Variants in PRDM6 observed in about 807,000 individuals in gnomAD.
The protein encoded by PRDM6 is putative histone-lysine N-methyltransferase PRDM6.
In PRDM6, 25 loss-of-function variants were observed where a neutral mutation model predicts 60.8. That is an observed-to-expected ratio of 0.41 (90% CI 0.30 to 0.57). The LOEUF (loss-of-function observed/expected upper bound fraction) is 0.57. Among genes scored for constraint, PRDM6 ranks in the 20% least tolerant of loss-of-function variants. The probability of loss-of-function intolerance (pLI) is 0.27; values close to 1 mark genes in which losing one functional copy is unlikely to be tolerated. For synonymous variants in PRDM6, 407 were observed against 357.4 expected (o/e 1.14, Z -1.57); for missense variants, 839 against 821.3 (o/e 1.02, Z -0.26).
chr5:123,153,217 A>G (rs1379786602), intron 3 of PRDM6, among the ~76,000 whole-genome samples: 6 of 144,254 alleles, frequency 4.2e-5, no homozygotes, highest in East Asian at 2.0e-4. Context: ...AAAAAAAAAA[A>G]GGGCTAGGTT....
intron 6 of PRDM6, among the ~76,000 whole-genome samples, chr5:123,179,129 C>T (rs1042260858): frequency 2.6e-5 from 4 of 152,192 alleles, no homozygotes; most frequent in African/African-American, 9.7e-5. Flanking sequence ...CCAGATTCTG[C>T]TTAAGTAAGC....
intron 5 of PRDM6, among the ~76,000 whole-genome samples, chr5:123,161,800 T>C (rs1399654345): frequency 6.6e-6 from 1 of 152,196 alleles, no homozygotes; most frequent in East Asian, 1.9e-4. Context: ...GGAGCTGTTG[T>C]AGGGTTTTGA....
At chr5:123,174,991 C>T (rs1213637310) in intron 6 of PRDM6, among the ~76,000 whole-genome samples, 1 of 152,180 alleles carries the variant, frequency 6.6e-6, no homozygotes, top group African/African-American at 2.4e-5. Context: ...AATCAACCAA[C>T]ATTTTGTTCA....
At chr5:123,113,361 T>G (rs980617460) in intron 3 of PRDM6, among the ~76,000 whole-genome samples, 5 of 152,236 alleles carry the variant, frequency 3.3e-5, no homozygotes, top group African/African-American at 1.2e-4. Context: ...TTTATCTGAT[T>G]GCAATAACGA....
chr5:123,160,341 T>C (rs1357043008), intron 5 of PRDM6, among the ~76,000 whole-genome samples: 1 of 152,240 alleles, frequency 6.6e-6, no homozygotes, highest in African/African-American at 2.4e-5. Flanking sequence ...ATTTGAAAAG[T>C]ATTTTAAAGT....
intron 7 of PRDM6, among the ~76,000 whole-genome samples, chr5:123,183,729 TGCAG>T (rs952706943): frequency 6.6e-6 from 1 of 152,206 alleles, no homozygotes; most frequent in African/African-American, 2.4e-5. Context: ...AGCATTTTAT[TGCAG>T]GCAGGCAGGA....
chr5:123,090,032 C>A lies in PRDM6; in HGVS notation c.18C>A (p.Asp6Glu), dbSNP rs1446211077. 9.0e-6 allele frequency: 14 copies of A among 1,547,852 alleles called. No homozygotes were observed. The Admixed American group carries it at 2.6e-4, about 28-fold the overall frequency. MLKPG[D>E]PGGSAFLKVD... ...CGCCGGACATGCTGAAGCCCGGAGA[C>A]CCCGGCGGTTCGGCCTTCCTCAAAG... The change falls in exon 2 of 8, where the codon GAC (aspartate) becomes GAA (glutamate). Residue 6 changes from aspartate to glutamate, a missense_variant. Coordinates refer to ENST00000407847, the MANE Select transcript of PRDM6 (RefSeq NM_001136239.4).
intron 3 of PRDM6, among the ~76,000 whole-genome samples, chr5:123,151,346 C>T (rs1350864033): frequency 1.3e-5 from 2 of 152,090 alleles, no homozygotes; most frequent in Non-Finnish European, 2.9e-5. Flanking sequence ...TCCAGGGAAC[C>T]CGTTCGGGGA....
chr5:123,136,792 C>T (rs761199361), intron 3 of PRDM6, among the ~76,000 whole-genome samples: 1 of 152,088 alleles, frequency 6.6e-6, no homozygotes, highest in Non-Finnish European at 1.5e-5. Context: ...CTTTACTTTC[C>T]ATATTACTTT....
In PRDM6 at chr5:123,194,240, T is replaced by G. The variant is rs981392519; in HGVS notation, c.*7039T>G. 6.6e-6 allele frequency: 1 copy of G among 152,098 alleles called. No individual in the cohort carries two copies. The highest frequency in any genetic ancestry group is 1.5e-5 in the Non-Finnish European group (1 of 68,006). 9.4% of individuals were successfully genotyped at this position (152,098 alleles called of 1,614,324 possible). A position where few individuals can be genotyped will look rare whatever the true frequency, so the allele number is the denominator to read the frequency against. ...ACCAAGAAATGTAAATATATTTGAT[T>G]AATAAAACGTTTTTATGATGACTCG... On this transcript the variant is annotated 3_prime_UTR_variant, in exon 8 of 8. Coordinates refer to ENST00000407847, the MANE Select transcript of PRDM6 (RefSeq NM_001136239.4).
At chr5:123,117,455 ACT>A (rs1478671985) in intron 3 of PRDM6, among the ~76,000 whole-genome samples, 3 of 151,290 alleles carry the variant, frequency 2.0e-5, no homozygotes, top group African/African-American at 4.9e-5. Flanking sequence ...ACTTCCGAAA[ACT>A]CTGTTTAGTG....
chr5:123,128,497 ATT>A (rs1205395992), intron 3 of PRDM6, among the ~76,000 whole-genome samples: 1 of 152,102 alleles, frequency 6.6e-6, no homozygotes, highest in Non-Finnish European at 1.5e-5. Flanking sequence ...TATGGTTTTG[ATT>A]TGCATTTCTC....
Position 123,090,287 on chromosome 5 carries a change from C to CTCCGCCTCT in PRDM6, c.281_282insTTCCGCCTC (p.Ala93_Ser95dup), listed in dbSNP as rs763677155. On this transcript the variant is annotated inframe_insertion, in exon 2 of 8. Coordinates refer to ENST00000407847, the MANE Select transcript of PRDM6 (RefSeq NM_001136239.4). ...CGGCTTCCTCTTCCACCTCCGCCTC[C>CTCCGCCTCT]TCCGCCTCCTCCTGCGCTGCTGCGG... 1.1e-4 allele frequency: 168 copies of CTCCGCCTCT among 1,490,888 alleles called. No individual in the cohort carries two copies. Among genetic ancestry groups the CTCCGCCTCT allele is most frequent in the Non-Finnish European group, 1.3e-4 (149 of 1,121,878 alleles). The allele number at this position is 1,490,888 out of a possible 1,614,324, so 92.4% of individuals were successfully genotyped here. A position where few individuals can be genotyped will look rare whatever the true frequency, so the allele number is the denominator to read the frequency against.
At chr5:123,118,091 A>G (rs984877093) in intron 3 of PRDM6, among the ~76,000 whole-genome samples, 14 of 152,246 alleles carry the variant, frequency 9.2e-5, no homozygotes, top group African/African-American at 2.9e-4. Flanking sequence ...TTGAAAATCC[A>G]GAGGGATAAC....
At chr5:123,116,484 G>T (rs1480018307) in intron 3 of PRDM6, among the ~76,000 whole-genome samples, 1 of 152,126 alleles carries the variant, frequency 6.6e-6, no homozygotes, top group African/African-American at 2.4e-5. Context: ...TAAGAAAGTG[G>T]TTTCCTGTCA....
At chr5:123,125,764 G>T (rs549041939) in intron 3 of PRDM6, among the ~76,000 whole-genome samples, 54 of 152,220 alleles carry the variant, frequency 3.5e-4, no homozygotes, top group African/African-American at 1.3e-3. Context: ...AATTATTTTT[G>T]GTTCTAAATA....
At chr5:123,141,581 A>G (rs1188380802) in intron 3 of PRDM6, among the ~76,000 whole-genome samples, 1 of 152,102 alleles carries the variant, frequency 6.6e-6, no homozygotes, top group African/African-American at 2.4e-5. Flanking sequence ...ATGAGCTTGG[A>G]GAAATTAAGT....
At chr5:123,121,851 T>C (rs563190052) in intron 3 of PRDM6, among the ~76,000 whole-genome samples, 3 of 150,922 alleles carry the variant, frequency 2.0e-5, no homozygotes, top group African/African-American at 7.3e-5. Context: ...GGGAGTTTTT[T>C]AGTTTTTTTT....
chr5:123,176,480 T>C (rs1454511859), intron 6 of PRDM6, among the ~76,000 whole-genome samples: 1 of 152,110 alleles, frequency 6.6e-6, no homozygotes, highest in Non-Finnish European at 1.5e-5. Flanking sequence ...GGAGGCCAAG[T>C]CAGGCAGATC....
Sources: allele counts gnomAD v4.1 joint callset (sites outside exome capture counted in the v4.1 genomes callset), GRCh38; gene constraint gnomAD v4.1.1; transcripts MANE v1.5; gene names NCBI Gene and HGNC (gene_info 2026-07-23, HGNC 2026-07-21).